The following PDE4B variants were observed in gnomAD, a reference collection of about 807,000 sequenced individuals.
PDE4B encodes phosphodiesterase 4B.
In PDE4B, 20 loss-of-function variants were observed where a neutral mutation model predicts 82.2. The ratio of observed to expected loss-of-function variants is 0.24; its 90% CI spans 0.17 to 0.35. The LOEUF is 0.35. Ranked by LOEUF, PDE4B falls within the 10% of genes least tolerant of loss-of-function variation. PDE4B has a pLI of 1.00. For synonymous variants in PDE4B, 320 were observed against 318.9 expected (o/e 1.00, Z -0.04); for missense variants, 655 against 907.2 (o/e 0.72, Z 3.57).
rs568504072 is a variant in PDE4B, at chr1:66,355,635, G to T, written c.841+15G>T. 4.1e-6 allele frequency: 6 copies of T among 1,466,998 alleles called. No homozygotes were observed. The South Asian group carries it at 6.9e-5, about 17-fold the overall frequency. The allele number at this position is 1,466,998 out of a possible 1,614,324, so 90.9% of individuals were successfully genotyped here. A position where few individuals can be genotyped will look rare whatever the true frequency, so the allele number is the denominator to read the frequency against. ...TACTTTCTTAGGTAAGATATTAACT[G>T]GGAAAAACCTGTTTTATAACTGGGG... is the stretch of plus-strand genomic sequence containing the variant. On this transcript the variant is annotated intron_variant, in intron 9 of 16. Coordinates refer to ENST00000341517, the MANE Select transcript of PDE4B (RefSeq NM_002600.4).
chr1:66,186,386 C>T (rs557668399), intron 3 of PDE4B, among the ~76,000 whole-genome samples: 1 of 152,108 alleles, frequency 6.6e-6, no homozygotes, highest in Non-Finnish European at 1.5e-5. Flanking sequence ...TCATTGGTAA[C>T]TTGATGGAGA....
chr1:66,300,129 A>G lies in PDE4B; in HGVS notation c.635-32379A>G, dbSNP rs1358307497. On this transcript the variant is annotated intron_variant, in intron 7 of 16. Transcript: ENST00000341517. ...ATGTGAAAAGACTTTCAAAGGTTCT[A>G]TTTTATTCTCAGAGTTGACAGACTC... Among the ~76,000 whole-genome samples, 3 of 152,138 alleles carry G rather than the reference A, an allele frequency of 2.0e-5. No individual in the cohort carries two copies. In the East Asian group the frequency reaches 5.8e-4, roughly 29 times the overall value.
At chr1:66,319,511 T>C (rs1659253121) in intron 7 of PDE4B, among the ~76,000 whole-genome samples, 1 of 152,244 alleles carries the variant, frequency 6.6e-6, no homozygotes, top group Non-Finnish European at 1.5e-5. Context: ...CTCTTATAAT[T>C]TTTATAAAAT....
chr1:65,984,873 A>G (rs1650874595), intron 3 of PDE4B, among the ~76,000 whole-genome samples: 1 of 152,172 alleles, frequency 6.6e-6, no homozygotes, highest in African/African-American at 2.4e-5. Context: ...GTAATATTGC[A>G]GTGTTTTGAT....
chr1:66,077,463 T>G (rs1032871323), intron 3 of PDE4B, among the ~76,000 whole-genome samples: 1 of 152,170 alleles, frequency 6.6e-6, no homozygotes, highest in African/African-American at 2.4e-5. Context: ...TGAACTTGAT[T>G]TCCTTTATAT....
chr1:66,347,555 T>G (rs558171907), intron 8 of PDE4B, among the ~76,000 whole-genome samples: 16 of 152,286 alleles, frequency 1.1e-4, no homozygotes, highest in African/African-American at 3.6e-4. Flanking sequence ...TTCTTTTATT[T>G]TTTTGATAGG....
chr1:66,184,668 C>T (rs1647142598), intron 3 of PDE4B, among the ~76,000 whole-genome samples: 2 of 152,080 alleles, frequency 1.3e-5, no homozygotes, highest in Non-Finnish European at 2.9e-5. Flanking sequence ...TACCACATAG[C>T]TTAAATATAA....
chr1:65,953,263 T>C (rs1273473430), intron 3 of PDE4B, among the ~76,000 whole-genome samples: 6 of 152,076 alleles, frequency 3.9e-5, no homozygotes, highest in Non-Finnish European at 8.8e-5. Context: ...TATTTATAAT[T>C]TACAGAGCAA....
intron 3 of PDE4B, among the ~76,000 whole-genome samples, chr1:66,066,727 C>T (rs1190252326): frequency 6.6e-6 from 1 of 151,936 alleles, no homozygotes; most frequent in Non-Finnish European, 1.5e-5. Context: ...CCCTTCCCCA[C>T]TAATCTCCTG....
chr1:66,368,354 T>C (rs1025029552), intron 15 of PDE4B, among the ~76,000 whole-genome samples: 1 of 152,246 alleles, frequency 6.6e-6, no homozygotes. Context: ...AAGCTTGTGT[T>C]TGGATTTAAA....
intron 3 of PDE4B, among the ~76,000 whole-genome samples, chr1:66,198,192 T>A (rs1648502413): frequency 6.6e-6 from 1 of 152,134 alleles, no homozygotes; most frequent in African/African-American, 2.4e-5. Flanking sequence ...CCCGTTCCCT[T>A]TCCTAGTGAT....
At position 66,363,461 on chromosome 1, in the gene PDE4B, A is replaced by C. The variant is rs1483225921; in HGVS notation, c.1174A>C (p.Met392Leu). 6.2e-7 allele frequency: 1 copy of C among 1,613,456 alleles called. No homozygotes were observed. The highest frequency in any genetic ancestry group is 1.7e-5 in the Admixed American group (1 of 59,972). ...CTCATCTGACACATTTATAACCTAC[A>C]TGATGACTTTAGAAGACCATTACCA... The part of the protein sequence containing the change: ...RISSDTFITY[M>L]MTLEDHYHSD... Residue 392 changes from methionine (M) to leucine (L), a missense_variant, in exon 12 of 17, where the codon ATG becomes CTG. Met to Leu is a conservative substitution (Grantham distance 15). This residue lies in a region of PDE4B where 283 missense variants were observed against 516.4 expected (regional missense o/e 0.55). Coordinates refer to ENST00000341517, the MANE Select transcript of PDE4B (RefSeq NM_002600.4).
intron 3 of PDE4B, among the ~76,000 whole-genome samples, chr1:66,109,855 G>A (rs1327491939): frequency 6.6e-6 from 1 of 151,798 alleles, no homozygotes; most frequent in African/African-American, 2.4e-5. Context: ...CCTCTCATTA[G>A]TAATTTTTTT....
chr1:66,235,512 T>G (rs1305245593), intron 3 of PDE4B, among the ~76,000 whole-genome samples: 1 of 152,206 alleles, frequency 6.6e-6, no homozygotes, highest in Non-Finnish European at 1.5e-5. Flanking sequence ...AATATAGACA[T>G]TCTAGATTTC....
chr1:65,971,882 A>G lies in PDE4B; in HGVS notation c.281+53047A>G, dbSNP rs568761200. On this transcript the variant is annotated intron_variant, in intron 3 of 16. Coordinates refer to ENST00000341517, the MANE Select transcript of PDE4B (RefSeq NM_002600.4). ...ATCATTTGAAAGATTTTCAGAAATG[A>G]GCATCATTATCAATAATGAAAAAAG... 8.5e-4 allele frequency among the ~76,000 whole-genome samples: 129 copies of G among 152,306 alleles called. 1 individual carries two copies. The highest frequency in any genetic ancestry group is 1.6e-3 in the Non-Finnish European group (107 of 68,030).
intron 3 of PDE4B, among the ~76,000 whole-genome samples, chr1:66,230,562 A>G (rs1283607652): frequency 6.6e-6 from 1 of 152,168 alleles, no homozygotes; most frequent in Non-Finnish European, 1.5e-5. Flanking sequence ...GTTTTGTGAC[A>G]TTTTCTGTTA....
chr1:66,373,051 C>A lies in PDE4B; in HGVS notation c.*373C>A. 1 of 185,574 alleles carries A rather than the reference C, an allele frequency of 5.4e-6. No individual in the cohort carries two copies. The highest frequency in any genetic ancestry group is 1.1e-5 in the Non-Finnish European group (1 of 87,196). 11.5% of individuals were successfully genotyped at this position (185,574 alleles called of 1,614,324 possible). Reference sequence around the variant, plus strand: ...ATAACTTCATTTATGAATCTTCTCACTTGTCCCTTTGTCTGCCAACCTGTG... The same window carrying A: ...ATAACTTCATTTATGAATCTTCTCAATTGTCCCTTTGTCTGCCAACCTGTG... On this transcript the variant is annotated 3_prime_UTR_variant, in exon 17 of 17. Coordinates refer to ENST00000341517, the MANE Select transcript of PDE4B (RefSeq NM_002600.4).
At chr1:65,883,018 A>G (rs963565628) in intron 1 of PDE4B, among the ~76,000 whole-genome samples, 2 of 152,106 alleles carry the variant, frequency 1.3e-5, no homozygotes, top group East Asian at 1.9e-4. Context: ...TGGGCGAACC[A>G]TTTGTCCTTT....
intron 3 of PDE4B, among the ~76,000 whole-genome samples, chr1:66,011,486 A>G (rs1452240329): frequency 6.6e-6 from 1 of 152,136 alleles, no homozygotes; most frequent in Admixed American, 6.6e-5. Flanking sequence ...TAGTGAAACA[A>G]GAGCAACATG....
Sources: gnomAD v4.1 joint callset for allele counts (sites outside exome capture counted in the v4.1 genomes callset) on GRCh38, gnomAD v4.1.1 for gene constraint, gnomAD v4.1.1 regional missense constraint, MANE v1.5 for transcripts, NCBI Gene and HGNC (gene_info 2026-07-23, HGNC 2026-07-21) for gene names.